CYP11A1: variants seen among roughly 807,000 people sequenced by gnomAD.
CYP11A1 encodes cytochrome P450 family 11 subfamily A member 1.
In CYP11A1, 25 loss-of-function variants were observed where a neutral mutation model predicts 51.9. That is an observed-to-expected ratio of 0.48 (90% confidence interval 0.35 to 0.67). CYP11A1 has a LOEUF of 0.67. Among genes scored for constraint, CYP11A1 ranks in the 30% least tolerant of loss-of-function variants. CYP11A1 has a pLI of 0.00. For missense variants in CYP11A1, 578 were observed against 680.9 expected, an observed-to-expected ratio of 0.85 and a Z score of 1.68; for synonymous variants, 245 against 262.1, an observed-to-expected ratio of 0.93 and a Z score of 0.63.
At position 74,345,677 on chromosome 15, in the gene CYP11A1, A is replaced by G. The variant is rs890561689; in HGVS notation, c.426-434T>C. 6.6e-6 allele frequency among the ~76,000 whole-genome samples: 1 copy of G among 152,004 alleles called. No individual in the cohort carries two copies. The highest frequency in any genetic ancestry group is 2.1e-4 in the South Asian group (1 of 4,814). On this transcript the variant is annotated intron_variant, in intron 2 of 8. Transcript: ENST00000268053. This position sits in a 1 kb window ranked among gnomAD's most constrained non-coding sequence, Gnocchi z 4.3. Reference sequence around the variant, plus strand: ...TCTGACTCTTGCACAAACAAAATTGACCAGCCTCTCCTCCTCTGCACCCCC... The same window carrying G: ...TCTGACTCTTGCACAAACAAAATTGGCCAGCCTCTCCTCCTCTGCACCCCC...
intron 1 of CYP11A1, among the ~76,000 whole-genome samples, chr15:74,360,611 C>T (rs560967256): frequency 2.7e-5 from 4 of 150,326 alleles, no homozygotes; most frequent in East Asian, 2.0e-4. Flanking sequence ...TGTTAAAATT[C>T]GCCATTATAG....
intron 2 of CYP11A1, among the ~76,000 whole-genome samples, chr15:74,346,077 A>G (rs1405549793): frequency 2.0e-5 from 3 of 152,150 alleles, no homozygotes; most frequent in African/African-American, 7.2e-5. Flanking sequence ...TGTCGGTCAG[A>G]CACAGTGGCT....
chr15:74,339,806 C>T (rs532412032), intron 5 of CYP11A1, 53 bp from the exon 6 acceptor site: 1 of 1,565,920 alleles, frequency 6.4e-7, no homozygotes, highest in South Asian at 1.1e-5. Flanking sequence ...ACTCCGGGGC[C>T]CCTTGAGGTC....
At chr15:74,366,644 G>A (rs2060735018) in intron 1 of CYP11A1, 1 of 151,546 alleles carries the variant, frequency 6.6e-6, no homozygotes, top group South Asian at 2.1e-4. Context: ...AAAACTCGCT[G>A]GCTGGGCTGA....
chr15:74,353,260 G>A (rs1261898342), intron 1 of CYP11A1, among the ~76,000 whole-genome samples: 6 of 152,226 alleles, frequency 3.9e-5, no homozygotes, highest in African/African-American at 1.4e-4. Flanking sequence ...GGAGAAAGAT[G>A]AGGTACAGTT....
At chr15:74,342,712 C>G (rs2060612739) in intron 5 of CYP11A1, among the ~76,000 whole-genome samples, 1 of 152,192 alleles carries the variant, frequency 6.6e-6, no homozygotes, top group African/African-American at 2.4e-5. Context: ...TACGTGGAAC[C>G]TGGACCTCAC....
chr15:74,347,291 C>T (rs2060636896), intron 2 of CYP11A1, among the ~76,000 whole-genome samples: 1 of 152,154 alleles, frequency 6.6e-6, no homozygotes, highest in Non-Finnish European at 1.5e-5. Flanking sequence ...CACCTGTAAT[C>T]CCAGCTACTT....
intron 8 of CYP11A1, 78 bp downstream of exon 8, chr15:74,338,493 G>C (rs566367949): frequency 3.5e-6 from 5 of 1,435,254 alleles, no homozygotes; most frequent in Non-Finnish European, 4.9e-6. Flanking sequence ...TCTGGACAGA[G>C]ATAGGAGGAG....
At chr15:74,347,106 C>G (rs532411743) in intron 2 of CYP11A1, among the ~76,000 whole-genome samples, 24 of 152,168 alleles carry the variant, frequency 1.6e-4, no homozygotes, top group Non-Finnish European at 1.0e-4. Context: ...GCGCCCTGAC[C>G]CTCATTTTAC....
chr15:74,356,753 T>C (rs1259533376), intron 1 of CYP11A1, among the ~76,000 whole-genome samples: 1 of 152,140 alleles, frequency 6.6e-6, no homozygotes, highest in Non-Finnish European at 1.5e-5. Context: ...CACACCTTAT[T>C]GCCACCCTTT....
At chr15:74,344,368 A>G (rs1359166908) in intron 3 of CYP11A1, among the ~76,000 whole-genome samples, 1 of 152,178 alleles carries the variant, frequency 6.6e-6, no homozygotes, top group Non-Finnish European at 1.5e-5. Context: ...ACAGGTCAGA[A>G]AGGAGACTGA....
chr15:74,344,802 CAAATGCCAGATGAGAGA>C (rs2060624207), intron 3 of CYP11A1: 1 of 564,876 alleles, frequency 1.8e-6, no homozygotes, highest in Admixed American at 2.8e-5. Flanking sequence ...TCCTACAGCA[CAAATGCCAGATGAGAGA>C]GAATGCCAGA....
chr15:74,347,195 G>A (rs986192700), intron 2 of CYP11A1, among the ~76,000 whole-genome samples: 3 of 152,042 alleles, frequency 2.0e-5, no homozygotes, highest in African/African-American at 7.2e-5. Context: ...GATTGCTTGA[G>A]CCCAGGGGTT....
chr15:74,341,226 C>G lies in CYP11A1; in HGVS notation c.991-1473G>C, dbSNP rs1464182638. Among the ~76,000 whole-genome samples, 3 of 152,112 alleles carry G rather than the reference C, an allele frequency of 2.0e-5. No homozygotes were observed. The East Asian group carries it at 5.8e-4, about 29-fold the overall frequency. ...TGTAAACAGCTTAGGACCCTGCCTG[C>G]CATATAGTATGTGCTTAATAAATGT... On this transcript the variant is annotated intron_variant, in intron 5 of 8. Transcript: ENST00000268053.
intron 1 of CYP11A1, chr15:74,366,031 A>C: frequency 1.0e-6 from 1 of 985,774 alleles, no homozygotes; most frequent in Non-Finnish European, 1.2e-6. Context: ...CCTCGCCCTG[A>C]GGTAAACGCG....
At chr15:74,365,306 A>G (rs1260542839) in intron 1 of CYP11A1, 1 of 101,522 alleles carries the variant, frequency 9.9e-6, no homozygotes, top group African/African-American at 2.9e-5. Context: ...ACAGAGGCCC[A>G]AAGACAAAAA....
chr15:74,339,318 G>A lies in CYP11A1; in HGVS notation c.1158-3C>T, dbSNP rs746361914. 3 of 1,613,928 alleles carry A rather than the reference G, an allele frequency of 1.9e-6. No homozygotes were observed. Among genetic ancestry groups the A allele is most frequent in the East Asian group, 4.5e-5 (2 of 44,874 alleles). ...GGGTCACGGAGATGGGGTGAAGTCT[G>A]CGGGAGGAGGGCACTCAGAAGCTGA... is the stretch of plus-strand genomic sequence containing the variant. On this transcript the variant is annotated splice_region_variant and splice_polypyrimidine_tract_variant and intron_variant, in intron 6 of 8. Coordinates refer to ENST00000268053, the MANE Select transcript of CYP11A1 (RefSeq NM_000781.3).
chr15:74,338,736 G>A lies in CYP11A1; in HGVS notation c.1269C>T (p.Gly423=), dbSNP rs768205181. The A allele has an allele frequency of 6.2e-6, 10 of 1,614,166 alleles. No individual in the cohort carries two copies. The East Asian group carries it at 1.6e-4, about 25-fold the overall frequency. ...TLVQVAIYAL[G]REPTFFFDPE... Reference sequence around the variant, plus strand: ...GGTCGAAGAAGAAGGTGGGCTCTCGGCCCAGAGCATAGATGGCCACTTGCA... The same window carrying A: ...GGTCGAAGAAGAAGGTGGGCTCTCGACCCAGAGCATAGATGGCCACTTGCA... Residue 423 remains glycine, a synonymous_variant, in exon 8 of 9, where the codon GGC becomes GGT. Transcript: ENST00000268053.
At position 74,345,035 on chromosome 15, in the gene CYP11A1, C is replaced by T. The variant is rs2060625799; in HGVS notation, c.625+9G>A. 2 of 1,613,110 alleles carry T rather than the reference C, an allele frequency of 1.2e-6. No individual in the cohort carries two copies. The highest frequency in any genetic ancestry group is 2.2e-5 in the East Asian group (1 of 44,888). ...ATGCCCACTGCCAGCCAGGTGCAAG[C>T]CCCCTTACACTCAAAGGCAAAGCGG... On this transcript the variant is annotated intron_variant, in intron 3 of 8. Coordinates refer to ENST00000268053, the MANE Select transcript of CYP11A1 (RefSeq NM_000781.3). This position sits in a 1 kb window ranked among gnomAD's most constrained non-coding sequence, Gnocchi z 4.3.
Sources: allele counts gnomAD v4.1 joint callset (sites outside exome capture counted in the v4.1 genomes callset), GRCh38; gene constraint gnomAD v4.1.1; non-coding constraint Gnocchi (gnomAD v3.1); transcripts MANE v1.5; gene names NCBI Gene and HGNC (gene_info 2026-07-23, HGNC 2026-07-21).